CENPK: variants seen among roughly 807,000 people sequenced by gnomAD.
The protein encoded by CENPK is centromere protein K.
Under a neutral mutation model 40.9 loss-of-function variants are expected in CENPK, and 46 were observed. The observed-to-expected ratio is 1.13, with a 90% CI of 0.89 to 1.44. CENPK has a LOEUF of 1.44. Among genes scored for constraint, CENPK ranks in the 40% most tolerant of loss-of-function variants. The probability of loss-of-function intolerance (pLI) is 0.00; values close to 1 mark genes in which losing one functional copy is unlikely to be tolerated. For missense variants in CENPK, 288 were observed against 303.5 expected (o/e 0.95, Z 0.38); for synonymous variants, 107 against 104.4 (o/e 1.02, Z -0.15).
chr5:65,520,734 C>T (rs1459697587), intron 10 of CENPK, among the ~76,000 whole-genome samples: 1 of 152,020 alleles, frequency 6.6e-6, no homozygotes, highest in African/African-American at 2.4e-5. Flanking sequence ...AAATGAAACG[C>T]GTTTTCTGAA....
Position 65,541,990 on chromosome 5 carries a change from G to A in CENPK, c.288+812C>T, listed in dbSNP as rs368105330. 9.2e-5 allele frequency among the ~76,000 whole-genome samples: 14 copies of A among 152,324 alleles called. No individual in the cohort carries two copies. In the East Asian group the frequency reaches 1.5e-3, roughly 17 times the overall value. ...TCTACTGAGGGCTCACCTCTTCACA[G>A]ACAGTACCTTCTAGTTGTGTCCTCA... is the stretch of plus-strand genomic sequence containing the variant. On this transcript the variant is annotated intron_variant, in intron 6 of 10. Coordinates refer to ENST00000396679, the MANE Select transcript of CENPK (RefSeq NM_022145.5).
intron 5 of CENPK, among the ~76,000 whole-genome samples, chr5:65,548,016 A>C (rs1347740273): frequency 6.6e-6 from 1 of 152,194 alleles, no homozygotes; most frequent in Non-Finnish European, 1.5e-5. Flanking sequence ...AAAGAAGACT[A>C]AGAAGGGAAG....
intron 5 of CENPK, among the ~76,000 whole-genome samples, chr5:65,545,356 A>T (rs1314873055): frequency 6.8e-6 from 1 of 146,320 alleles, no homozygotes; most frequent in East Asian, 2.0e-4. Flanking sequence ...ACACACACAC[A>T]CACACACACA....
intron 6 of CENPK, chr5:65,541,276 T>G (rs1328339989): frequency 7.0e-6 from 3 of 429,872 alleles, no homozygotes; most frequent in Non-Finnish European, 4.8e-6. Context: ...CAGGCGACAA[T>G]CCATTACTGG....
At position 65,551,617 on chromosome 5, in the gene CENPK, T is replaced by C; in HGVS notation, c.188A>G (p.Gln63Arg). The change falls in exon 5 of 11, where the codon CAA becomes CGA. Residue 63 changes from glutamine to arginine, a missense_variant. Coordinates refer to ENST00000396679, the MANE Select transcript of CENPK (RefSeq NM_022145.5). Reference sequence around the variant, plus strand: ...GAGTTCAGCGGTTAAACATTTTACTTGCATAATTAACAATGATAGCTACAA... The same window carrying C: ...GAGTTCAGCGGTTAAACATTTTACTCGCATAATTAACAATGATAGCTACAA... ...SNAQLSLLIM[Q>R]VKCLTAELSQ... 6.4e-7 allele frequency: 1 copy of C among 1,573,520 alleles called. No homozygotes were observed.
At chr5:65,542,577 C>G (rs1309343720) in intron 6 of CENPK, among the ~76,000 whole-genome samples, 4 of 151,546 alleles carry the variant, frequency 2.6e-5, no homozygotes, top group Non-Finnish European at 5.9e-5. Flanking sequence ...GCAGAGGTTA[C>G]AGTGAGCCAG....
rs746580111 is a variant in CENPK, at chr5:65,518,461, A to C, written c.*14T>G. On this transcript the variant is annotated 3_prime_UTR_variant, in exon 11 of 11. Coordinates refer to ENST00000396679, the MANE Select transcript of CENPK (RefSeq NM_022145.5). ...GATAAGAATTTTTACTGTGTGAAAA[A>C]AGAAAACATCCTTTTACTGATGGAA... 2 of 1,602,046 alleles carry C rather than the reference A, an allele frequency of 1.2e-6. No individual in the cohort carries two copies. The highest frequency in any genetic ancestry group is 2.3e-5 in the South Asian group (2 of 87,964).
the CENPK span, among the ~76,000 whole-genome samples, chr5:65,497,206 A>T: frequency 3.9e-5 from 6 of 151,956 alleles, no homozygotes; most frequent in Non-Finnish European, 8.8e-5. Context: ...CATTTCTACT[A>T]AAAATACAAA....
intron 5 of CENPK, among the ~76,000 whole-genome samples, chr5:65,549,788 A>G (rs916579254): frequency 2.0e-5 from 3 of 152,178 alleles, no homozygotes; most frequent in Non-Finnish European, 2.9e-5. Context: ...TGGCTTAGGG[A>G]ATGATGGCTG....
chr5:65,545,819 C>G (rs10068833), intron 5 of CENPK, among the ~76,000 whole-genome samples: 112,238 of 152,030 alleles, frequency 0.74, 41,690 homozygotes, highest in East Asian at 0.89. Flanking sequence ...CCTAAGCAGA[C>G]GACCCAGTTA....
chr5:65,554,972 C>G, intron 2 of CENPK, 26 bp from the exon 3 acceptor site: 1 of 957,616 alleles, frequency 1.0e-6, no homozygotes, highest in Non-Finnish European at 1.7e-6. Context: ...TTTATTCATT[C>G]AGCAGTATTG....
intron 5 of CENPK, among the ~76,000 whole-genome samples, chr5:65,548,466 G>A (rs544601849): frequency 6.6e-6 from 1 of 151,736 alleles, no homozygotes; most frequent in Non-Finnish European, 1.5e-5. Context: ...GGCTGTGGCC[G>A]TTTCTTAAAA....
the CENPK span, among the ~76,000 whole-genome samples, chr5:65,505,018 C>T: frequency 2.0e-5 from 3 of 152,160 alleles, no homozygotes; most frequent in Admixed American, 6.5e-5. Flanking sequence ...CAACCTTGAA[C>T]TCCAGGTATA....
At chr5:65,510,668 C>A in the CENPK span, among the ~76,000 whole-genome samples, 1 of 151,248 alleles carries the variant, frequency 6.6e-6, no homozygotes, top group Non-Finnish European at 1.5e-5. Context: ...CCCAGCTACT[C>A]GGGAGGCTGA....
the CENPK span, among the ~76,000 whole-genome samples, chr5:65,504,522 ATTAC>A: frequency 1.3e-5 from 2 of 148,812 alleles, no homozygotes; most frequent in African/African-American, 5.0e-5. Flanking sequence ...CCAGATGTTT[ATTAC>A]TTACTTTTGC....
intron 9 of CENPK, among the ~76,000 whole-genome samples, chr5:65,522,635 T>C (rs1256965628): frequency 6.6e-6 from 1 of 152,164 alleles, no homozygotes; most frequent in African/African-American, 2.4e-5. Context: ...CTTGCTACGT[T>C]GTCCAAGCTG....
Position 65,542,788 on chromosome 5 carries a change from A to G in CENPK, c.288+14T>C. 3.8e-6 allele frequency: 6 copies of G among 1,599,100 alleles called. No homozygotes were observed. Among genetic ancestry groups the G allele is most frequent in the Non-Finnish European group, 4.3e-6 (5 of 1,171,478 alleles). ...AATTATTTGGGGTCACTACAAATTC[A>G]TTGAGTGGCTTACCTCTTCTTTTCC... is the stretch of plus-strand genomic sequence containing the variant. On this transcript the variant is annotated intron_variant, in intron 6 of 10. Coordinates refer to ENST00000396679, the MANE Select transcript of CENPK (RefSeq NM_022145.5).
At chr5:65,498,634 C>CT in the CENPK span, among the ~76,000 whole-genome samples, 1,215 of 132,732 alleles carry the variant, frequency 9.2e-3, 16 homozygotes, top group African/African-American at 0.029. Flanking sequence ...TTTCTTTTTT[C>CT]TTTTTTTTTT....
downstream of CENPK, among the ~76,000 whole-genome samples, chr5:65,516,698 G>GC (rs1043546931): frequency 1.1e-5 from 1 of 93,108 alleles, no homozygotes; most frequent in African/African-American, 3.2e-5. Flanking sequence ...ATCTCTACAT[G>GC]CTAAAAAAAA....
Sources: gnomAD v4.1 joint callset for allele counts (sites outside exome capture counted in the v4.1 genomes callset) on GRCh38, gnomAD v4.1.1 for gene constraint, MANE v1.5 for transcripts, NCBI Gene and HGNC (gene_info 2026-07-23, HGNC 2026-07-21) for gene names.